The following ARID2 variants were observed in gnomAD, a reference collection of about 807,000 sequenced individuals.
ARID2 encodes the protein AT-rich interaction domain 2, also known as AT-rich interactive domain-containing protein 2.
A neutral mutation model predicts 184.6 loss-of-function variants in ARID2; 32 were observed. That is an observed-to-expected ratio of 0.17 (90% CI 0.13 to 0.23). The LOEUF (loss-of-function observed/expected upper bound fraction) is 0.23. Among genes scored for constraint, ARID2 ranks in the 10% least tolerant of loss-of-function variants. The probability of loss-of-function intolerance (pLI) is 1.00; values close to 1 mark genes in which losing one functional copy is unlikely to be tolerated. For synonymous variants in ARID2, 836 were observed against 772.6 expected (o/e 1.08, Z -1.36); for missense variants, 1,696 against 2,197.6 (o/e 0.77, Z 4.56).
chr12:45,822,403 G>T (rs920979084), intron 6 of ARID2, among the ~76,000 whole-genome samples: 1 of 152,106 alleles, frequency 6.6e-6, no homozygotes, highest in Non-Finnish European at 1.5e-5. Flanking sequence ...GGGCGTGGTT[G>T]TGTGCGCCTG....
At chr12:45,887,225 A>G (rs1398845154) in intron 16 of ARID2, among the ~76,000 whole-genome samples, 4 of 152,204 alleles carry the variant, frequency 2.6e-5, no homozygotes, top group Non-Finnish European at 1.5e-5. Context: ...ACTATTATAA[A>G]TTATAGTGAT....
At chr12:45,859,809 C>G (rs764883530) in intron 15 of ARID2, among the ~76,000 whole-genome samples, 71 of 152,216 alleles carry the variant, frequency 4.7e-4, no homozygotes, top group Admixed American at 7.2e-4. Context: ...TCTCAGCTCA[C>G]TGCAACCTCT....
At chr12:45,822,136 A>G (rs1942910302) in intron 6 of ARID2, among the ~76,000 whole-genome samples, 1 of 152,184 alleles carries the variant, frequency 6.6e-6, no homozygotes, top group Non-Finnish European at 1.5e-5. Context: ...GATACATTCA[A>G]GTATGATTAC....
At chr12:45,846,505 C>T (rs186037980) in intron 11 of ARID2, among the ~76,000 whole-genome samples, 497 of 152,196 alleles carry the variant, frequency 3.3e-3, no homozygotes, top group African/African-American at 0.011. Context: ...TTATCTGTAC[C>T]TACCTCACAG....
chr12:45,868,516 C>T (rs1943866484), intron 16 of ARID2, among the ~76,000 whole-genome samples: 1 of 152,154 alleles, frequency 6.6e-6, no homozygotes, highest in South Asian at 2.1e-4. Flanking sequence ...CCATATTTTG[C>T]TACATAAAAT....
chr12:45,817,716 A>T lies in ARID2; in HGVS notation c.465A>T (p.Pro155=), dbSNP rs745393768. Residue 155 remains proline, a synonymous_variant, in exon 5 of 21, where the codon CCA becomes CCT. Transcript: ENST00000334344. ...SYGLSMDFNS[P]NDYNKLVLSL... ...GGCTGTCCATGGACTTTAATTCGCC[A>T]AATGATTATAATAAATTGGTGCTTT... 14 of 1,612,536 alleles carry T rather than the reference A, an allele frequency of 8.7e-6. No individual in the cohort carries two copies. The South Asian group carries it at 1.3e-4, about 15-fold the overall frequency.
At chr12:45,806,993 C>A (rs1016957518) in intron 3 of ARID2, among the ~76,000 whole-genome samples, 2 of 152,194 alleles carry the variant, frequency 1.3e-5, no homozygotes, top group Non-Finnish European at 2.9e-5. Flanking sequence ...TTGAAACACA[C>A]CATCACTTTC....
rs1322191780 is a variant in ARID2 at position 45,836,645 on chromosome 12, C to A, written c.762C>A (p.Asn254Lys). ...NEVRDLISDR[N>K]KSHEGTSGEW... ...TTCGTGACCTCATTTCTGACAGAAA[C>A]AAGTCTCATGGTAAGTTAGTGAAAG... Residue 254 changes from asparagine to lysine, a missense_variant, in exon 7 of 21, where the codon AAC becomes AAA. By Grantham distance (94) the Asn-to-Lys change is moderately conservative (BLOSUM62 0). Around this residue, in one of 11 missense-constraint regions of ARID2, gnomAD observed 148 missense variants for 285.4 expected, o/e 0.52. Coordinates refer to ENST00000334344, the MANE Select transcript of ARID2 (RefSeq NM_152641.4). 1.2e-6 allele frequency: 2 copies of A among 1,610,416 alleles called. No individual in the cohort carries two copies. The highest frequency in any genetic ancestry group is 2.2e-5 in the East Asian group (1 of 44,768).
Position 45,731,288 on chromosome 12 carries a change from C to T in ARID2, c.258C>T (p.Ala86=), listed in dbSNP as rs2137962952. 1 of 1,613,818 alleles carries T rather than the reference C, an allele frequency of 6.2e-7. No homozygotes were observed. ...FNFPRSCSNA[A]FALKQYYLRY... Reference sequence around the variant, plus strand: ...TTCCCAGAAGTTGTTCTAACGCTGCCTTTGCTTTAAAACAGTATTACTTGC... The same window carrying T: ...TTCCCAGAAGTTGTTCTAACGCTGCTTTTGCTTTAAAACAGTATTACTTGC... The change falls in exon 3 of 21, where the codon GCC becomes GCT. Residue 86 remains alanine (A), a synonymous_variant. Coordinates refer to ENST00000334344, the MANE Select transcript of ARID2 (RefSeq NM_152641.4).
At chr12:45,789,732 C>G (rs140002956) in intron 3 of ARID2, 43 of 152,142 alleles carry the variant, frequency 2.8e-4, no homozygotes, top group Admixed American at 2.6e-3. Flanking sequence ...CTAGTACTTA[C>G]AAGTTTTTCG....
chr12:45,743,953 C>T (rs76238283), intron 3 of ARID2, among the ~76,000 whole-genome samples: 1 of 151,932 alleles, frequency 6.6e-6, no homozygotes, highest in African/African-American at 2.4e-5. Context: ...TATTTTCTAA[C>T]CTGCTGCCTT....
At position 45,835,628 on chromosome 12, in the gene ARID2, G is replaced by A. The variant is rs139631918; in HGVS notation, c.706-961G>A. 3.6e-3 allele frequency among the ~76,000 whole-genome samples: 550 copies of A among 152,236 alleles called. 3 individuals are homozygous for A. The highest frequency in any genetic ancestry group is 0.015 in the East Asian group (80 of 5,186). ...GAAATGTCAGATTTCCAGGCCGGGC[G>A]CTGTGGCTCATGCCTGTAATCCCAG... is the stretch of plus-strand genomic sequence containing the variant. On this transcript the variant is annotated intron_variant, in intron 6 of 20. Transcript: ENST00000334344.
intron 16 of ARID2, among the ~76,000 whole-genome samples, chr12:45,862,740 C>A (rs762316695): frequency 6.6e-6 from 1 of 152,180 alleles, no homozygotes; most frequent in African/African-American, 2.4e-5. Context: ...TAGGTTACTT[C>A]AAGATAAGTT....
chr12:45,814,006 G>T (rs909649862), intron 4 of ARID2, among the ~76,000 whole-genome samples: 4 of 151,910 alleles, frequency 2.6e-5, no homozygotes, highest in Non-Finnish European at 4.4e-5. Context: ...TTATTATTAT[G>T]ATGATTTAAT....
In ARID2 at chr12:45,903,745, CA is replaced by C. The variant is rs147943242; in HGVS notation, c.5364-1185del. On this transcript the variant is annotated intron_variant, in intron 20 of 20. Transcript: ENST00000334344. Reference sequence around the variant, plus strand: ...TTCTTTTCTACAGTGTTTTTTAATTCAAAATGTACGTGTCTTCATCTTCTCT... The same window carrying C: ...TTCTTTTCTACAGTGTTTTTTAATTCAAATGTACGTGTCTTCATCTTCTCT... 5.1e-3 allele frequency among the ~76,000 whole-genome samples: 782 copies of C among 152,090 alleles called. 10 individuals carry two copies. The highest frequency in any genetic ancestry group is 0.018 in the African/African-American group (746 of 41,516).
chr12:45,751,414 T>C (rs1436559254), intron 3 of ARID2, among the ~76,000 whole-genome samples: 1 of 152,188 alleles, frequency 6.6e-6, no homozygotes, highest in African/African-American at 2.4e-5. Context: ...GCAGATCTTG[T>C]AGGGCCTCTG....
chr12:45,850,475 T>G lies in ARID2; in HGVS notation c.2352T>G (p.Pro784=). ...ACACAGTGGTACCAGGACAGATCCC[T>G]TCAGGCACTCCTGTTACAGTAATTC... is the stretch of plus-strand genomic sequence containing the variant. The part of the protein sequence containing the change: ...PLHTVVPGQI[P]SGTPVTVIQQ... The change falls in exon 15 of 21, where the codon CCT becomes CCG. Residue 784 remains proline (P), a synonymous_variant. Coordinates refer to ENST00000334344, the MANE Select transcript of ARID2 (RefSeq NM_152641.4). 5.6e-6 allele frequency: 9 copies of G among 1,614,044 alleles called. No individual in the cohort carries two copies. Among genetic ancestry groups the G allele is most frequent in the Non-Finnish European group, 7.6e-6 (9 of 1,179,980 alleles).
intron 3 of ARID2, among the ~76,000 whole-genome samples, chr12:45,748,978 G>A (rs1374777399): frequency 6.6e-6 from 1 of 152,070 alleles, no homozygotes; most frequent in Non-Finnish European, 1.5e-5. Flanking sequence ...TACGAGGATT[G>A]GAAACAATGT....
chr12:45,807,168 A>G (rs1942617808), intron 3 of ARID2, among the ~76,000 whole-genome samples: 1 of 152,186 alleles, frequency 6.6e-6, no homozygotes, highest in African/African-American at 2.4e-5. Flanking sequence ...GAAAGTTTTT[A>G]ACTGAGAAAT....
Sources: allele counts gnomAD v4.1 joint callset (sites outside exome capture counted in the v4.1 genomes callset), GRCh38; gene constraint gnomAD v4.1.1; regional missense constraint gnomAD v4.1.1; transcripts MANE v1.5; gene names NCBI Gene and HGNC (gene_info 2026-07-23, HGNC 2026-07-21).